MYOF: variants seen among roughly 807,000 people sequenced by gnomAD.
MYOF encodes the protein myoferlin, also known as fer-1-like 3, myoferlin.
In MYOF, 244 loss-of-function variants were observed where a neutral mutation model predicts 284.2. That is an observed-to-expected ratio of 0.86 (90% CI 0.77 to 0.95). The LOEUF (loss-of-function observed/expected upper bound fraction) is 0.95, where lower values mean the gene tolerates loss of function less well. Ranked by LOEUF, MYOF falls within the 40% of genes least tolerant of loss-of-function variation. The probability of loss-of-function intolerance (pLI) is 0.00; values close to 1 mark genes in which losing one functional copy is unlikely to be tolerated. For synonymous variants in MYOF, 904 were observed against 919.7 expected (o/e 0.98, Z 0.31); for missense variants, 2,496 against 2,560.6 (o/e 0.97, Z 0.54).
chr10:93,409,117 A>C (rs1847774366), intron 6 of MYOF, among the ~76,000 whole-genome samples: 3 of 152,132 alleles, frequency 2.0e-5, no homozygotes, highest in Admixed American at 2.0e-4. Flanking sequence ...GGTTATAGAG[A>C]CCAAGAGCAG....
chr10:93,331,927 TCAGA>T (rs1172849682), intron 43 of MYOF, among the ~76,000 whole-genome samples: 3 of 152,222 alleles, frequency 2.0e-5, no homozygotes, highest in Non-Finnish European at 4.4e-5. Context: ...CACAAATGTC[TCAGA>T]CAGAGAACAT....
At chr10:93,344,667 C>T (rs12243915) in intron 37 of MYOF, among the ~76,000 whole-genome samples, 10,369 of 141,342 alleles carry the variant, frequency 0.073, 956 homozygotes, top group African/African-American at 0.23. Context: ...ACCAACATGG[C>T]ACGTGTATAC....
At chr10:93,417,499 T>G (rs757233918) in intron 5 of MYOF, among the ~76,000 whole-genome samples, 7 of 152,024 alleles carry the variant, frequency 4.6e-5, no homozygotes, top group Non-Finnish European at 8.8e-5. Context: ...CGTGATACAG[T>G]CAAGTTTGCC....
At chr10:93,333,688 A>G (rs1564626128) in intron 42 of MYOF, 70 bp downstream of exon 42, 19 of 1,568,904 alleles carry the variant, frequency 1.2e-5, no homozygotes, top group East Asian at 2.3e-5. Flanking sequence ...AAGAAAGAAC[A>G]TGACAATTAT....
chr10:93,437,100 A>C (rs1201424984), intron 3 of MYOF, among the ~76,000 whole-genome samples: 1 of 152,200 alleles, frequency 6.6e-6, no homozygotes, highest in Non-Finnish European at 1.5e-5. Context: ...CAGCCCACGA[A>C]TGTCATAGAG....
rs1429786645 is a variant in MYOF, at chr10:93,333,656, A to C, written c.4719+102T>G. ...TGTTTTGATGGAGTATCTTTCCCCT[A>C]GTGAGATAACAGACGCCCAGAAAGA... On this transcript the variant is annotated intron_variant, in intron 42 of 53. Coordinates refer to ENST00000359263, the MANE Select transcript of MYOF (RefSeq NM_013451.4). 9 of 1,425,540 alleles carry C rather than the reference A, an allele frequency of 6.3e-6. No individual in the cohort carries two copies. In the East Asian group the frequency reaches 1.1e-4, roughly 18 times the overall value. The allele number at this position is 1,425,540 out of a possible 1,614,324, so 88.3% of individuals were successfully genotyped here. A position where few individuals can be genotyped will look rare whatever the true frequency, so the allele number is the denominator to read the frequency against.
intron 17 of MYOF, among the ~76,000 whole-genome samples, chr10:93,390,810 A>G (rs1013510463): frequency 6.6e-6 from 1 of 152,042 alleles, no homozygotes; most frequent in African/African-American, 2.4e-5. Flanking sequence ...CACAAAAAAG[A>G]TTTAAAAAAA....
rs748611242 is a variant in MYOF, at chr10:93,366,556, C to T, written c.2590-1G>A. On this transcript the variant is annotated splice_acceptor_variant, in intron 25 of 53. Coordinates refer to ENST00000359263, the MANE Select transcript of MYOF (RefSeq NM_013451.4). LOFTEE classifies it high-confidence loss of function. Reference sequence around the variant, plus strand: ...CAAACATGAGAGCTTGATTTTCATACTATTAAAAAAGAGATAAAATTGGAG... The same window carrying T: ...CAAACATGAGAGCTTGATTTTCATATTATTAAAAAAGAGATAAAATTGGAG... The T allele has an allele frequency of 6.9e-6, 11 of 1,597,472 alleles. No individual in the cohort carries two copies. The highest frequency in any genetic ancestry group is 8.5e-6 in the Non-Finnish European group (10 of 1,174,714).
chr10:93,372,848 G>A, intron 24 of MYOF, 82 bp downstream of exon 24: 1 of 1,499,844 alleles, frequency 6.7e-7, no homozygotes, highest in Non-Finnish European at 9.2e-7. Context: ...TCAATGATTT[G>A]CAAATGATAT....
At chr10:93,347,396 CA>C in intron 37 of MYOF, among the ~76,000 whole-genome samples, 1 of 149,778 alleles carries the variant, frequency 6.7e-6, no homozygotes, top group Non-Finnish European at 1.5e-5. Context: ...ACTAAAAATA[CA>C]AAAAATTAGC....
chr10:93,339,594 C>CTCCT (rs1843788069), intron 39 of MYOF, among the ~76,000 whole-genome samples: 1 of 120,112 alleles, frequency 8.3e-6, no homozygotes, highest in Non-Finnish European at 1.8e-5. Context: ...CTCAGCCTCC[C>CTCCT]GAAAATCTGG....
At chr10:93,413,276 C>T (rs1467186378) in intron 5 of MYOF, among the ~76,000 whole-genome samples, 1 of 152,172 alleles carries the variant, frequency 6.6e-6, no homozygotes, top group African/African-American at 2.4e-5. Context: ...CAGAGGAAAC[C>T]AGCCTAAGCC....
intron 1 of MYOF, among the ~76,000 whole-genome samples, chr10:93,477,068 G>C (rs1045005464): frequency 1.3e-5 from 2 of 152,164 alleles, no homozygotes; most frequent in African/African-American, 4.8e-5. Context: ...CATTGTAAAG[G>C]CACAATAATA....
intron 49 of MYOF, among the ~76,000 whole-genome samples, chr10:93,318,758 C>CA (rs1025359335): frequency 2.6e-4 from 40 of 151,828 alleles, no homozygotes; most frequent in African/African-American, 8.9e-4. Context: ...AACTCTGTCT[C>CA]AAAAAAACAA....
intron 43 of MYOF, among the ~76,000 whole-genome samples, chr10:93,330,373 C>G (rs1443467879): frequency 6.6e-6 from 1 of 152,124 alleles, no homozygotes; most frequent in African/African-American, 2.4e-5. Context: ...AGCCCCCTAC[C>G]TGTGCCCCTC....
In MYOF at chr10:93,313,006, G is replaced by A; in HGVS notation, c.5889+14C>T. 6.3e-7 allele frequency: 1 copy of A among 1,591,320 alleles called. No homozygotes were observed. On this transcript the variant is annotated intron_variant, in intron 51 of 53. Transcript: ENST00000359263. ...CATAAACGATTTTCAACCAGAACCA[G>A]GAAATGTTCATACAGCCATTACGCG...
At chr10:93,447,765 A>G (rs2056474681) in intron 3 of MYOF, among the ~76,000 whole-genome samples, 1 of 152,152 alleles carries the variant, frequency 6.6e-6, no homozygotes, top group Non-Finnish European at 1.5e-5. Context: ...AAAATGCCCG[A>G]AATGAGTGCC....
intron 1 of MYOF, among the ~76,000 whole-genome samples, chr10:93,479,475 C>T (rs1181059409): frequency 6.6e-6 from 1 of 152,184 alleles, no homozygotes; most frequent in Non-Finnish European, 1.5e-5. Flanking sequence ...GGTTTGCCAT[C>T]ACCAGGATTT....
At chr10:93,418,834 G>A (rs992869451) in intron 5 of MYOF, among the ~76,000 whole-genome samples, 2 of 152,128 alleles carry the variant, frequency 1.3e-5, no homozygotes, top group Non-Finnish European at 2.9e-5. Context: ...TTTATGATGA[G>A]CACTTTGATT....
Sources: allele counts gnomAD v4.1 joint callset (sites outside exome capture counted in the v4.1 genomes callset), GRCh38; gene constraint gnomAD v4.1.1; transcripts MANE v1.5; gene names NCBI Gene and HGNC (gene_info 2026-07-23, HGNC 2026-07-21).